Variants in DDX24 observed in about 807,000 individuals in gnomAD.
The protein encoded by DDX24 is DEAD-box helicase 24.
In DDX24, 24 loss-of-function variants were observed where a neutral mutation model predicts 68.9. The observed-to-expected ratio is 0.35, with a 90% CI of 0.25 to 0.49. DDX24 has a LOEUF of 0.49. Ranked by LOEUF, DDX24 falls within the 20% of genes least tolerant of loss-of-function variation. The pLI is 0.99. For synonymous variants in DDX24, 395 were observed against 385.2 expected, an observed-to-expected ratio of 1.03 and a Z score of -0.30; for missense variants, 989 against 1,039.0, an observed-to-expected ratio of 0.95 and a Z score of 0.66.
intron 2 of DDX24, among the ~76,000 whole-genome samples, chr14:94,071,338 C>A (rs867617875): frequency 1.3e-5 from 2 of 152,184 alleles, no homozygotes; most frequent in African/African-American, 4.8e-5. Context: ...TGGCCATAAT[C>A]AAAAAATCAA....
intron 2 of DDX24, among the ~76,000 whole-genome samples, chr14:94,078,354 T>TA (rs1425619930): frequency 6.6e-6 from 1 of 152,204 alleles, no homozygotes; most frequent in Non-Finnish European, 1.5e-5. Flanking sequence ...TTCCAGGCAG[T>TA]ACTAGTTCCT....
At chr14:94,073,885 T>C (rs985019811) in intron 2 of DDX24, among the ~76,000 whole-genome samples, 2 of 151,456 alleles carry the variant, frequency 1.3e-5, no homozygotes, top group African/African-American at 4.9e-5. Flanking sequence ...CTACTAAAAA[T>C]ACAAAAAATT....
rs1389400629 is a variant in DDX24 at position 94,060,186 on chromosome 14, C to A, written c.1825G>T (p.Val609Phe). The change falls in exon 5 of 9, where the codon GTC becomes TTC. Residue 609 changes from valine (V) to phenylalanine (F), a missense_variant. Physicochemically the swap from Val to Phe is conservative, Grantham distance 50. Coordinates refer to ENST00000621632, the MANE Select transcript of DDX24 (RefSeq NM_020414.4). ...AGGGTCAAGGGCATGATATCAAGGA[C>A]TTTGAGGAGCCCAGAGAGGCGTTTG... ...CIKRLSGLLK[V>F]LDIMPLTLHA... The A allele has an allele frequency of 3.7e-6, 6 of 1,614,074 alleles. No individual in the cohort carries two copies. Among genetic ancestry groups the A allele is most frequent in the Non-Finnish European group, 5.1e-6 (6 of 1,180,048 alleles).
intron 2 of DDX24, among the ~76,000 whole-genome samples, chr14:94,066,912 T>C (rs1480636932): frequency 1.3e-5 from 2 of 152,094 alleles, no homozygotes; most frequent in Non-Finnish European, 2.9e-5. Flanking sequence ...CCTGGTAATA[T>C]GACAAAACAA....
At position 94,079,610 on chromosome 14, in the gene DDX24, C is replaced by T. The variant is rs770741513; in HGVS notation, c.133G>A (p.Asp45Asn). The T allele has an allele frequency of 2.5e-6, 4 of 1,614,032 alleles. No homozygotes were observed. Among genetic ancestry groups the T allele is most frequent in the Non-Finnish European group, 3.4e-6 (4 of 1,180,026 alleles). The change falls in exon 2 of 9, where the codon GAT (aspartate) becomes AAT (asparagine). Residue 45 changes from aspartate to asparagine, a missense_variant. Asp to Asn is a conservative substitution (Grantham distance 23, BLOSUM62 1). Coordinates refer to ENST00000621632, the MANE Select transcript of DDX24 (RefSeq NM_020414.4). The part of the protein sequence containing the change: ...DPNMFADGQM[D>N]DLVCFEELTD... ...AATTCCTCAAAGCACACCAAGTCAT[C>T]CATCTGTCCATCTGCAAACATATTT...
chr14:94,080,981 T>A (rs189024748), intron 1 of DDX24, 138 bp downstream of exon 1: 4 of 152,286 alleles, frequency 2.6e-5, no homozygotes, highest in South Asian at 2.1e-4. Context: ...CGCAGCTCGG[T>A]TGGACGGCTT....
chr14:94,080,708 A>G (rs1886060614), intron 1 of DDX24, among the ~76,000 whole-genome samples: 1 of 149,640 alleles, frequency 6.7e-6, no homozygotes. Context: ...AAAAACAAAA[A>G]ACAAACAAAA....
chr14:94,060,111 C>G lies in DDX24; in HGVS notation c.1900G>C (p.Ala634Pro). 2 of 1,612,226 alleles carry G rather than the reference C, an allele frequency of 1.2e-6. No individual in the cohort carries two copies. The highest frequency in any genetic ancestry group is 2.2e-5 in the South Asian group (2 of 90,988). ...KQRLRNLEQF[A>P]RLEDCVLLAT... is the part of the protein sequence containing the mutation. ...GTCCTAACTTACTCTTCCAGACGGGCAAACTGCTCCAGGTTTCTGAGCCTC... is the reference window on the plus strand; with the variant it reads ...GTCCTAACTTACTCTTCCAGACGGGGAAACTGCTCCAGGTTTCTGAGCCTC... Residue 634 changes from alanine (A) to proline (P), a missense_variant, in exon 5 of 9, where the codon GCC (alanine) becomes CCC (proline). Ala to Pro is a conservative substitution (Grantham distance 27, BLOSUM62 -1). Coordinates refer to ENST00000621632, the MANE Select transcript of DDX24 (RefSeq NM_020414.4).
chr14:94,058,870 A>G (rs958618508), intron 5 of DDX24, among the ~76,000 whole-genome samples: 3 of 152,234 alleles, frequency 2.0e-5, no homozygotes, highest in Non-Finnish European at 4.4e-5. Flanking sequence ...GCAACTATTC[A>G]ACTCTGCCGC....
intron 5 of DDX24, 128 bp downstream of exon 5, chr14:94,059,968 AAG>A: frequency 1.7e-6 from 2 of 1,151,364 alleles, no homozygotes; most frequent in East Asian, 2.4e-5. Context: ...AAAAAAAAAA[AAG>A]GCTACCTACT....
At chr14:94,080,817 C>A (rs1212330891) in intron 1 of DDX24, among the ~76,000 whole-genome samples, 3 of 152,218 alleles carry the variant, frequency 2.0e-5, no homozygotes, top group Non-Finnish European at 4.4e-5. Flanking sequence ...AGTAGAAGGG[C>A]CTCTGTCTCC....
At chr14:94,066,775 T>C (rs1434228788) in intron 2 of DDX24, among the ~76,000 whole-genome samples, 1 of 151,968 alleles carries the variant, frequency 6.6e-6, no homozygotes, top group Non-Finnish European at 1.5e-5. Flanking sequence ...GCCACATCCA[T>C]AGGAAAAGGG....
At chr14:94,075,713 C>T (rs28829097) in intron 2 of DDX24, among the ~76,000 whole-genome samples, 4,744 of 152,196 alleles carry the variant, frequency 0.031, 191 homozygotes, top group East Asian at 0.097. Flanking sequence ...GTTAAGAGAA[C>T]GAAAAGATAA....
At position 94,051,204 on chromosome 14, in the gene DDX24, G is replaced by C. The variant is rs767944151; in HGVS notation, c.2567C>G (p.Thr856Arg). 3.2e-6 allele frequency: 5 copies of C among 1,559,250 alleles called. No individual in the cohort carries two copies. The Admixed American group carries it at 5.9e-5, about 18-fold the overall frequency. The change falls in exon 9 of 9, where the codon ACA becomes AGA. Residue 856 changes from threonine (T) to arginine (R), a missense_variant. By Grantham distance (71) the Thr-to-Arg change is moderately conservative. Transcript: ENST00000621632. ...ACACTTGACCAGTTAATTTGCACTT[G>C]TACTTGGCTGTGGCTGTTCCGGCTG... is the stretch of plus-strand genomic sequence containing the variant. Reference protein sequence around the residue: ...EPQPEQPQPSTSAN With the variant: ...EPQPEQPQPSRSAN
intron 2 of DDX24, among the ~76,000 whole-genome samples, chr14:94,071,752 CCTGA>C (rs1022673951): frequency 2.2e-4 from 33 of 152,178 alleles, no homozygotes; most frequent in African/African-American, 8.0e-4. Flanking sequence ...TTGAGACCAG[CCTGA>C]CTAACATGGA....
chr14:94,064,150 C>A (rs954609491), intron 2 of DDX24, among the ~76,000 whole-genome samples: 1 of 152,052 alleles, frequency 6.6e-6, no homozygotes, highest in Non-Finnish European at 1.5e-5. Flanking sequence ...CCAAAGCAAT[C>A]ACTAAAAAGA....
chr14:94,055,515 G>A, intron 6 of DDX24: 2 of 318,556 alleles, frequency 6.3e-6, no homozygotes, highest in Non-Finnish European at 1.2e-5. Flanking sequence ...GGGTTATACG[G>A]TCTCTACTCC....
chr14:94,054,717 C>G (rs1885458865), intron 7 of DDX24, among the ~76,000 whole-genome samples: 1 of 152,194 alleles, frequency 6.6e-6, no homozygotes. Flanking sequence ...ATCCAGACAG[C>G]CATGACCACT....
At position 94,051,182 on chromosome 14, in the gene DDX24, CTT is replaced by C; in HGVS notation, c.*7_*8del. 6.7e-7 allele frequency: 1 copy of C among 1,487,716 alleles called. No homozygotes were observed. 92.2% of individuals were successfully genotyped at this position (1,487,716 alleles called of 1,614,324 possible). A position where few individuals can be genotyped will look rare whatever the true frequency, so the allele number is the denominator to read the frequency against. On this transcript the variant is annotated 3_prime_UTR_variant, in exon 9 of 9. Coordinates refer to ENST00000621632, the MANE Select transcript of DDX24 (RefSeq NM_020414.4). ...AAACCAATGTGCAGTCACTGACACA[CTT>C]GACCAGTTAATTTGCACTTGTACTT...
Sources: gnomAD v4.1 joint callset for allele counts (sites outside exome capture counted in the v4.1 genomes callset) on GRCh38, gnomAD v4.1.1 for gene constraint, MANE v1.5 for transcripts, NCBI Gene and HGNC (gene_info 2026-07-23, HGNC 2026-07-21) for gene names.